The following NTM variants were observed in gnomAD, a reference collection of about 807,000 sequenced individuals.
NTM encodes the protein neurotrimin.
NTM carries 13 observed loss-of-function variants against 42.1 expected under a neutral mutation model. The ratio of observed to expected loss-of-function variants is 0.31; its 90% CI spans 0.20 to 0.49. The LOEUF (loss-of-function observed/expected upper bound fraction) is 0.49. NTM is among the 20% of genes least tolerant of loss of function. NTM has a pLI of 0.99. For missense variants in NTM, 373 were observed against 452.8 expected, an observed-to-expected ratio of 0.82 and a Z score of 1.60; for synonymous variants, 187 against 179.2, an observed-to-expected ratio of 1.04 and a Z score of -0.35.
At chr11:132,166,056 C>T (rs1388765309) in intron 3 of NTM, among the ~76,000 whole-genome samples, 2 of 152,012 alleles carry the variant, frequency 1.3e-5, no homozygotes, top group Non-Finnish European at 2.9e-5. Context: ...CTCTTTATGG[C>T]CCAAGTTTTC....
intron 1 of NTM, among the ~76,000 whole-genome samples, chr11:131,521,297 A>G (rs1040792361): frequency 6.8e-6 from 1 of 147,136 alleles, no homozygotes; most frequent in Admixed American, 6.8e-5. Context: ...CCTGGGTGAC[A>G]GAGTGAGACT....
At chr11:132,294,397 T>G (rs762219769) in intron 4 of NTM, among the ~76,000 whole-genome samples, 3 of 151,880 alleles carry the variant, frequency 2.0e-5, no homozygotes, top group Non-Finnish European at 4.4e-5. Flanking sequence ...AAGGTGCCAT[T>G]CAAGTCTTAG....
At chr11:131,914,736 GC>G (rs565664479) in intron 2 of NTM, among the ~76,000 whole-genome samples, 64 of 152,268 alleles carry the variant, frequency 4.2e-4, no homozygotes, top group Middle Eastern at 3.4e-3. Flanking sequence ...CCTCCCGCTG[GC>G]ATTCTGTAGG....
intron 1 of NTM, among the ~76,000 whole-genome samples, chr11:131,584,405 G>A (rs2058677961): frequency 6.6e-6 from 1 of 152,176 alleles, no homozygotes; most frequent in African/African-American, 2.4e-5. Context: ...CTCCTTCTTG[G>A]TGGAGGCAGG....
At chr11:132,319,853 C>A (rs995570009) in intron 7 of NTM, among the ~76,000 whole-genome samples, 3 of 152,174 alleles carry the variant, frequency 2.0e-5, no homozygotes, top group African/African-American at 4.8e-5. Context: ...AGTAGCCTAA[C>A]GGGAGGCACC....
At chr11:132,221,005 C>A (rs187827977) in intron 4 of NTM, among the ~76,000 whole-genome samples, 3 of 152,176 alleles carry the variant, frequency 2.0e-5, no homozygotes, top group Non-Finnish European at 4.4e-5. Context: ...CCTCGAGTCA[C>A]ACCGCTGTAG....
chr11:131,973,115 C>T (rs1183439869), intron 2 of NTM, among the ~76,000 whole-genome samples: 1 of 152,172 alleles, frequency 6.6e-6, no homozygotes, highest in Non-Finnish European at 1.5e-5. Context: ...GAGTGTTCTC[C>T]CAATCAGGGC....
chr11:131,649,121 C>T (rs1308300788), intron 1 of NTM, among the ~76,000 whole-genome samples: 1 of 152,188 alleles, frequency 6.6e-6, no homozygotes, highest in African/African-American at 2.4e-5. Flanking sequence ...TAATCACTGG[C>T]ACTCAAGCCA....
At chr11:131,892,915 C>A (rs149579206) in intron 1 of NTM, among the ~76,000 whole-genome samples, 8 of 152,208 alleles carry the variant, frequency 5.3e-5, no homozygotes, top group Non-Finnish European at 1.2e-4. Flanking sequence ...GCTGTTCTTC[C>A]CTGGGAACAG....
chr11:131,787,695 T>C lies in NTM; in HGVS notation c.83-123869T>C, dbSNP rs74561920. ...CGGCGCTCGGCCAATACTGGATTTTTAAACCAAATTTGGAAGTTTTATTGT... is the reference window on the plus strand; with the variant it reads ...CGGCGCTCGGCCAATACTGGATTTTCAAACCAAATTTGGAAGTTTTATTGT... On this transcript the variant is annotated intron_variant, in intron 1 of 8. Transcript: ENST00000683400. Among the ~76,000 whole-genome samples, 806 of 152,286 alleles carry C rather than the reference T, an allele frequency of 5.3e-3. 8 individuals carry two copies. The highest frequency in any genetic ancestry group is 0.019 in the African/African-American group (775 of 41,556).
At chr11:131,559,312 C>A (rs981451630) in intron 1 of NTM, among the ~76,000 whole-genome samples, 1 of 152,152 alleles carries the variant, frequency 6.6e-6, no homozygotes. Flanking sequence ...GTGTTACACA[C>A]AAAAAAACTT....
intron 3 of NTM, among the ~76,000 whole-genome samples, chr11:132,176,368 G>A (rs7103506): frequency 7.6e-4 from 113 of 149,154 alleles, no homozygotes; most frequent in Middle Eastern, 3.4e-3. Flanking sequence ...AAAAAAAAAA[G>A]AAAAAAAAAA....
At chr11:131,707,902 T>G (rs575439531) in intron 1 of NTM, among the ~76,000 whole-genome samples, 1 of 152,214 alleles carries the variant, frequency 6.6e-6, no homozygotes, top group Admixed American at 6.5e-5. Context: ...AATGTAGGAC[T>G]GAAAGTTTTA....
chr11:132,038,171 G>A (rs2135738579), intron 2 of NTM, among the ~76,000 whole-genome samples: 1 of 152,330 alleles, frequency 6.6e-6, no homozygotes, highest in East Asian at 1.9e-4. Flanking sequence ...GTAAGTCTGA[G>A]TTATTCTGTT....
chr11:131,977,754 C>T (rs1442237083), intron 2 of NTM, among the ~76,000 whole-genome samples: 2 of 151,988 alleles, frequency 1.3e-5, no homozygotes, highest in East Asian at 3.9e-4. Flanking sequence ...GAAGGAGAAA[C>T]CTTTGTAACC....
At chr11:132,047,033 C>G (rs544449232) in intron 2 of NTM, among the ~76,000 whole-genome samples, 1 of 152,328 alleles carries the variant, frequency 6.6e-6, no homozygotes, top group Admixed American at 6.5e-5. Context: ...ACCCTGGGCT[C>G]AGAGATCATT....
At chr11:131,772,284 C>T (rs906753496) in intron 1 of NTM, among the ~76,000 whole-genome samples, 3 of 152,160 alleles carry the variant, frequency 2.0e-5, no homozygotes, top group African/African-American at 7.2e-5. Context: ...AGTCCATCCG[C>T]CTACCCCTGT....
At chr11:132,278,840 G>T (rs1280965205) in intron 4 of NTM, among the ~76,000 whole-genome samples, 2 of 142,110 alleles carry the variant, frequency 1.4e-5, no homozygotes, top group African/African-American at 2.6e-5. Context: ...TCCTTTCTTT[G>T]TTCACTCTAC....
chr11:131,763,707 CTCTTTTTTTTTTTTTT>C (rs2084618895), intron 1 of NTM, among the ~76,000 whole-genome samples: 1 of 60,766 alleles, frequency 1.6e-5, no homozygotes, highest in Non-Finnish European at 3.8e-5. Flanking sequence ...CCATCTCTCT[CTCTTTTTTTTTTTTTT>C]TTTTTTTTTT....
Sources: gnomAD v4.1 joint callset for allele counts (sites outside exome capture counted in the v4.1 genomes callset) on GRCh38, gnomAD v4.1.1 for gene constraint, MANE v1.5 for transcripts, NCBI Gene and HGNC (gene_info 2026-07-23, HGNC 2026-07-21) for gene names.